Variants in KHDRBS2 observed in about 807,000 individuals in gnomAD.
The protein encoded by KHDRBS2 is KH domain-containing, RNA-binding, signal transduction-associated protein 2.
Under a neutral mutation model 44.3 loss-of-function variants are expected in KHDRBS2, and 26 were observed. That is an observed-to-expected ratio of 0.59 (90% CI 0.43 to 0.81). The LOEUF (loss-of-function observed/expected upper bound fraction) is 0.81, where lower values mean the gene tolerates loss of function less well. KHDRBS2 is among the 40% of genes least tolerant of loss of function. The pLI is 0.00. For missense variants in KHDRBS2, 476 were observed against 433.1 expected (o/e 1.10, Z -0.88); for synonymous variants, 194 against 151.1 (o/e 1.28, Z -2.08).
intron 7 of KHDRBS2, among the ~76,000 whole-genome samples, chr6:61,700,627 C>T (rs1277035892): frequency 6.6e-6 from 1 of 151,448 alleles, no homozygotes; most frequent in Non-Finnish European, 1.5e-5. Flanking sequence ...CTAGATGTGC[C>T]CTCGTGACTA....
chr6:61,607,770 C>A, the KHDRBS2 span, among the ~76,000 whole-genome samples: 1 of 152,128 alleles, frequency 6.6e-6, no homozygotes, highest in South Asian at 2.1e-4. Flanking sequence ...TCACTGCAAC[C>A]TCCACCTCCT....
chr6:61,691,666 C>A (rs1488073747), intron 8 of KHDRBS2, among the ~76,000 whole-genome samples: 2 of 151,930 alleles, frequency 1.3e-5, no homozygotes, highest in Non-Finnish European at 2.9e-5. Flanking sequence ...AATTTATATT[C>A]TATTTACTAT....
At chr6:62,077,521 C>G (rs1796581659) in intron 2 of KHDRBS2, among the ~76,000 whole-genome samples, 1 of 152,000 alleles carries the variant, frequency 6.6e-6, no homozygotes, top group African/African-American at 2.4e-5. Context: ...AGGCAATTTT[C>G]CAAGGTCTGA....
intron 1 of KHDRBS2, among the ~76,000 whole-genome samples, chr6:62,246,708 C>T (rs1275385776): frequency 6.6e-6 from 1 of 151,942 alleles, no homozygotes; most frequent in African/African-American, 2.4e-5. Flanking sequence ...TATATCTATA[C>T]ATATTTTAGT....
chr6:61,543,496 C>T, the KHDRBS2 span, among the ~76,000 whole-genome samples: 1 of 151,842 alleles, frequency 6.6e-6, no homozygotes, highest in Non-Finnish European at 1.5e-5. Flanking sequence ...CACTAATTGA[C>T]TAAATATTAA....
intron 2 of KHDRBS2, among the ~76,000 whole-genome samples, chr6:62,076,323 CAT>C (rs1796329143): frequency 6.6e-6 from 1 of 151,972 alleles, no homozygotes; most frequent in South Asian, 2.1e-4. Context: ...GCTATGATTT[CAT>C]ATGTTGACAT....
intron 1 of KHDRBS2, among the ~76,000 whole-genome samples, chr6:62,255,969 TA>T (rs990491583): frequency 1.2e-4 from 18 of 147,180 alleles, no homozygotes; most frequent in Middle Eastern, 3.5e-3. Flanking sequence ...CTGTCTTTAC[TA>T]AAAAAAAAAT....
chr6:61,945,616 AG>A (rs1813205409), intron 4 of KHDRBS2, among the ~76,000 whole-genome samples: 1 of 152,058 alleles, frequency 6.6e-6, no homozygotes, highest in Non-Finnish European at 1.5e-5. Flanking sequence ...CCTGAAAATC[AG>A]ATTTTTATGG....
intron 2 of KHDRBS2, among the ~76,000 whole-genome samples, chr6:62,105,149 C>T (rs114002495): frequency 0.014 from 2,093 of 152,072 alleles, 44 homozygotes; most frequent in African/African-American, 0.047. Context: ...AACATTTTCT[C>T]AAAAAATAAG....
chr6:62,055,963 A>G (rs1790191907), intron 2 of KHDRBS2, among the ~76,000 whole-genome samples: 1 of 151,888 alleles, frequency 6.6e-6, no homozygotes, highest in Non-Finnish European at 1.5e-5. Flanking sequence ...TCTTTCCTCA[A>G]ACTTCCAGTC....
At chr6:62,229,615 C>A (rs1266923668) in intron 1 of KHDRBS2, among the ~76,000 whole-genome samples, 1 of 152,172 alleles carries the variant, frequency 6.6e-6, no homozygotes, top group Non-Finnish European at 1.5e-5. Flanking sequence ...TGGTTGGGAG[C>A]CTGGGCCCCG....
At chr6:61,890,454 C>A (rs1282425054) in intron 6 of KHDRBS2, among the ~76,000 whole-genome samples, 1 of 152,164 alleles carries the variant, frequency 6.6e-6, no homozygotes, top group African/African-American at 2.4e-5. Flanking sequence ...TTGGAACACA[C>A]GAGAGGCTAC....
At chr6:62,012,798 C>T (rs1193942632) in intron 3 of KHDRBS2, among the ~76,000 whole-genome samples, 2 of 152,150 alleles carry the variant, frequency 1.3e-5, no homozygotes, top group African/African-American at 2.4e-5. Context: ...TCCTATCACA[C>T]GGAAGCATTT....
chr6:61,720,857 C>A (rs1772357747), intron 7 of KHDRBS2, among the ~76,000 whole-genome samples: 1 of 150,860 alleles, frequency 6.6e-6, no homozygotes. Flanking sequence ...CTTGCCCATG[C>A]CTATGTCCTG....
chr6:61,799,785 T>G (rs1197132067), intron 6 of KHDRBS2, among the ~76,000 whole-genome samples: 1 of 152,050 alleles, frequency 6.6e-6, no homozygotes, highest in Non-Finnish European at 1.5e-5. Flanking sequence ...CCTTAATTTA[T>G]TCATCCTTCT....
chr6:62,249,228 C>T (rs1836128652), intron 1 of KHDRBS2, among the ~76,000 whole-genome samples: 1 of 152,052 alleles, frequency 6.6e-6, no homozygotes, highest in African/African-American at 2.4e-5. Flanking sequence ...GATATAGGTA[C>T]ATGTCATTTC....
At chr6:61,945,106 AAAAAAAGTATATATAT>A (rs1562490062) in intron 4 of KHDRBS2, among the ~76,000 whole-genome samples, 2 of 62,854 alleles carry the variant, frequency 3.2e-5, no homozygotes, top group African/African-American at 1.6e-4. Context: ...AAAAAAAAAA[AAAAAAAGTATATATAT>A]ATATATATAT....
chr6:61,810,765 T>C (rs1197176374), intron 6 of KHDRBS2, among the ~76,000 whole-genome samples: 2 of 152,032 alleles, frequency 1.3e-5, no homozygotes, highest in Admixed American at 1.3e-4. Flanking sequence ...AGCTACATCT[T>C]TAATAAATAA....
intron 6 of KHDRBS2, among the ~76,000 whole-genome samples, chr6:61,774,617 C>T (rs556476579): frequency 2.0e-5 from 3 of 152,216 alleles, no homozygotes; most frequent in East Asian, 3.9e-4. Context: ...TCTGAATAGA[C>T]CAATAACAGG....
Sources: allele counts gnomAD v4.1 joint callset (sites outside exome capture counted in the v4.1 genomes callset), GRCh38; gene constraint gnomAD v4.1.1; transcripts MANE v1.5; gene names NCBI Gene and HGNC (gene_info 2026-07-23, HGNC 2026-07-21).